Variants in TSPEAR observed in about 807,000 individuals in gnomAD.
TSPEAR encodes the protein thrombospondin-type laminin G domain and EAR repeat-containing protein.
A neutral mutation model predicts 71.6 loss-of-function variants in TSPEAR; 69 were observed. The observed-to-expected ratio is 0.96, with a 90% CI of 0.79 to 1.18. The LOEUF is 1.18. TSPEAR is among the 50% of genes most tolerant of loss of function. The pLI, the probability that TSPEAR is intolerant of heterozygous loss-of-function variation, is 0.00. For missense variants in TSPEAR, 971 were observed against 894.9 expected (o/e 1.09, Z -1.09); for synonymous variants, 402 against 387.2 (o/e 1.04, Z -0.45).
In TSPEAR at chr21:44,522,018, G is replaced by T; in HGVS notation, c.1431C>A (p.Tyr477Ter). 1 of 1,614,198 alleles carries T rather than the reference G, an allele frequency of 6.2e-7. No individual in the cohort carries two copies. The highest frequency in any genetic ancestry group is 8.5e-7 in the Non-Finnish European group (1 of 1,180,016). The change falls in exon 9 of 12, where the codon TAC (tyrosine) becomes TAA (stop). Residue 477 changes from tyrosine to a stop codon, truncating the protein, a stop_gained. Transcript: ENST00000323084. LOFTEE classifies it high-confidence loss of function. ...ANQTIATSGAYDWEFFSVGPY... is the reference protein window; with the variant it reads ...ANQTIATSGA ...GCCCCACACTGAAGAACTCCCAGTC[G>T]TAGGCGCCGGAGGTGGCGATGGTCT...
At chr21:44,703,611 A>T (rs17285466) in intron 1 of TSPEAR, among the ~76,000 whole-genome samples, 7,500 of 152,286 alleles carry the variant, frequency 0.049, 223 homozygotes, top group Middle Eastern at 0.13. Context: ...TGAAATGGCC[A>T]ACGCCTTCTG....
intron 9 of TSPEAR, among the ~76,000 whole-genome samples, chr21:44,513,041 G>A (rs1555912922): frequency 6.6e-6 from 1 of 152,230 alleles, no homozygotes. Flanking sequence ...TGATTCTTTA[G>A]TCTGTGTGTA....
At chr21:44,647,707 T>C (rs13052076) in intron 1 of TSPEAR, 53,582 of 330,918 alleles carry the variant, frequency 0.16, 4,989 homozygotes, top group South Asian at 0.3. Flanking sequence ...TACTCCAAAT[T>C]TGGGGTGTGG....
chr21:44,631,087 A>AAG (rs1277397642), intron 1 of TSPEAR, among the ~76,000 whole-genome samples: 2 of 151,956 alleles, frequency 1.3e-5, no homozygotes, highest in Non-Finnish European at 2.9e-5. Context: ...GAAAGAAAAA[A>AAG]AAGCCAAGTA....
chr21:44,504,690 G>C, intron 11 of TSPEAR, 90 bp downstream of exon 11: 1 of 592,448 alleles, frequency 1.7e-6, no homozygotes, highest in Non-Finnish European at 3.0e-6. Context: ...CCACAGTGGG[G>C]AAGCAAGTCT....
At position 44,611,791 on chromosome 21, in the gene TSPEAR, G is replaced by A. The variant is rs587630104; in HGVS notation, c.83-43786C>T. On this transcript the variant is annotated intron_variant, in intron 1 of 11. Transcript: ENST00000323084. ...GGGTTTTCCAGACTTGCCAACTCAC[G>A]ATCTGTTCAACTCCCAGCTCCACCA... Among the ~76,000 whole-genome samples the A allele has an allele frequency of 9.9e-5, 15 of 152,216 alleles. No individual in the cohort carries two copies. In the East Asian group the frequency reaches 2.1e-3, roughly 22 times the overall value.
chr21:44,646,497 C>T, intron 1 of TSPEAR: 4 of 1,613,112 alleles, frequency 2.5e-6, no homozygotes, highest in Non-Finnish European at 3.4e-6. Flanking sequence ...CCAGCGCTTA[C>T]TCCGACTCCT....
chr21:44,680,367 G>A (rs1555947732), intron 1 of TSPEAR, among the ~76,000 whole-genome samples: 2 of 152,096 alleles, frequency 1.3e-5, no homozygotes, highest in East Asian at 1.9e-4. Context: ...CAATTAGAAT[G>A]GCTATTATCA....
chr21:44,504,884 G>A lies in TSPEAR; in HGVS notation c.1755-3C>T. 4 of 1,610,348 alleles carry A rather than the reference G, an allele frequency of 2.5e-6. No homozygotes were observed. Among genetic ancestry groups the A allele is most frequent in the Non-Finnish European group, 3.4e-6 (4 of 1,177,008 alleles). ...AGAAAAACTCCCAGTCCAGAGCACT[G>A]CAGGAACAAGTGGGTGGATATTAGG... On this transcript the variant is annotated splice_region_variant and splice_polypyrimidine_tract_variant and intron_variant, in intron 10 of 11. Transcript: ENST00000323084.
At chr21:44,556,518 C>T (rs1555919832) in intron 2 of TSPEAR, among the ~76,000 whole-genome samples, 4 of 152,160 alleles carry the variant, frequency 2.6e-5, no homozygotes, top group Non-Finnish European at 1.5e-5. Context: ...TGGTGAAACC[C>T]CGTCTTTACT....
chr21:44,562,412 T>C (rs2053649782), intron 2 of TSPEAR, among the ~76,000 whole-genome samples: 1 of 152,178 alleles, frequency 6.6e-6, no homozygotes, highest in South Asian at 2.1e-4. Context: ...CTGCCCCAAG[T>C]AATTTATAGA....
At chr21:44,558,496 A>AGCTGGTGCAGCCTGACTGGCAGGG (rs1192921310) in intron 2 of TSPEAR, 3 of 1,613,754 alleles carry the variant, frequency 1.9e-6, no homozygotes, top group African/African-American at 1.3e-5. Context: ...GGCGTGCAGG[A>AGCTGGTGCAGCCTGACTGGCAGGG]GCTGGTGCAG....
At position 44,563,756 on chromosome 21, in the gene TSPEAR, A is replaced by G. The variant is rs374538495; in HGVS notation, c.303+4029T>C. ...ATATACCATTGTTCCTAGGGGAAAT[A>G]CAGAGTTTGGTTCTTGTAATCCTCT... On this transcript the variant is annotated intron_variant, in intron 2 of 11. Coordinates refer to ENST00000323084, the MANE Select transcript of TSPEAR (RefSeq NM_144991.3). Among the ~76,000 whole-genome samples the G allele has an allele frequency of 1.8e-4, 27 of 152,332 alleles. 1 individual carries two copies. The highest frequency in any genetic ancestry group is 6.5e-4 in the African/African-American group (27 of 41,586).
intron 9 of TSPEAR, chr21:44,517,737 A>T: frequency 2.1e-6 from 1 of 470,966 alleles, no homozygotes; most frequent in South Asian, 1.5e-5. Context: ...GGCTCTGTGG[A>T]CATCACTCGC....
chr21:44,702,309 C>G (rs1987689671), intron 1 of TSPEAR: 2 of 1,609,908 alleles, frequency 1.2e-6, no homozygotes, highest in Non-Finnish European at 1.7e-6. Flanking sequence ...GCTGCTGTGC[C>G]CCGGCCCCCT....
intron 1 of TSPEAR, among the ~76,000 whole-genome samples, chr21:44,628,639 C>A (rs1421071999): frequency 6.6e-6 from 1 of 151,804 alleles, no homozygotes; most frequent in African/African-American, 2.4e-5. Context: ...GCTAATGCCC[C>A]ACTCACTGTG....
At chr21:44,675,892 T>C in intron 1 of TSPEAR, 2 of 738,048 alleles carry the variant, frequency 2.7e-6, no homozygotes, top group East Asian at 2.5e-5. Flanking sequence ...CTTGAGTGGT[T>C]CTTGTGCCTA....
chr21:44,683,079 T>G (rs1183102020), intron 1 of TSPEAR, among the ~76,000 whole-genome samples: 1 of 151,278 alleles, frequency 6.6e-6, no homozygotes, highest in Non-Finnish European at 1.5e-5. Flanking sequence ...CGGCACCAAA[T>G]GAGTAAGGAC....
chr21:44,522,240 G>A (rs587755630), intron 8 of TSPEAR, 128 bp from the exon 9 acceptor site: 17 of 791,172 alleles, frequency 2.1e-5, no homozygotes, highest in East Asian at 1.6e-4. Context: ...AAGGCCAACC[G>A]CTGGGGACAT....
Sources: allele counts gnomAD v4.1 joint callset (sites outside exome capture counted in the v4.1 genomes callset), GRCh38; gene constraint gnomAD v4.1.1; transcripts MANE v1.5; gene names NCBI Gene and HGNC (gene_info 2026-07-23, HGNC 2026-07-21).